Variants in TTN observed in about 807,000 individuals in gnomAD.
TTN encodes titin.
In TTN, 1,525 loss-of-function variants were observed where a neutral mutation model predicts 3,223.0. The ratio of observed to expected loss-of-function variants is 0.47; its 90% CI spans 0.45 to 0.49. The LOEUF (loss-of-function observed/expected upper bound fraction) is 0.49. TTN is among the 20% of genes least tolerant of loss of function. The probability of loss-of-function intolerance (pLI) is 0.00; values close to 1 mark genes in which losing one functional copy is unlikely to be tolerated. For synonymous variants in TTN, 14,094 were observed against 15,161.0 expected (o/e 0.93, Z 5.17); for missense variants, 40,786 against 43,424.0 (o/e 0.94, Z 5.40).
intron 131 of TTN, 104 bp from the exon 132 acceptor site, chr2:178,684,517 C>T: frequency 5.0e-6 from 7 of 1,399,978 alleles, no homozygotes; most frequent in Non-Finnish European, 6.9e-6. Context: ...TTACAAGGCA[C>T]ACACACAAAA....
rs1305426066 is a variant in TTN at position 178,799,562 on chromosome 2, T to A, written c.839A>T (p.Gln280Leu). 6.2e-7 allele frequency: 1 copy of A among 1,614,200 alleles called. No homozygotes were observed. The highest frequency in any genetic ancestry group is 8.5e-7 in the Non-Finnish European group (1 of 1,180,018). The change falls in exon 6 of 363, where the codon CAG becomes CTG. Residue 280 changes from glutamine to leucine, a missense_variant. Coordinates refer to ENST00000589042, the MANE Select transcript of TTN (RefSeq NM_001267550.2). ...GTGTCTTATGGGCGATGGGGACTGC[T>A]GCCGAGCCAGCTGTGCTTTGGCAGC... ...SIAAKAQLAR[Q>L]QSPSPIRHSP...
Position 178,533,818 on chromosome 2 carries a change from T to C in TTN, c.102797A>G (p.Asn34266Ser). The change falls in exon 358 of 363, where the codon AAT (asparagine) becomes AGT (serine). Residue 34266 changes from asparagine (N) to serine (S), a missense_variant. By Grantham distance (46) the Asn-to-Ser change is conservative. Coordinates refer to ENST00000589042, the MANE Select transcript of TTN (RefSeq NM_001267550.2). ...RPPEFTLPLY[N>S]KTAYVGENVR... The stretch of plus-strand genomic sequence containing the variant: ...ATTTTCACCTACATAAGCTGTCTTA[T>C]TATAGAGAGGCAGGGTAAATTCTGG... The C allele has an allele frequency of 6.2e-7, 1 of 1,614,016 alleles. No individual in the cohort carries two copies. Among genetic ancestry groups the C allele is most frequent in the Non-Finnish European group, 8.5e-7 (1 of 1,179,876 alleles).
rs1282263505 is a variant in TTN at position 178,768,956 on chromosome 2, C to T, written c.8903-23G>A. ...TTGCTGCAAAGGAGAAAAGAAAAAACACCCAAGGAGACTTTACGTAAATAT... is the reference window on the plus strand; with the variant it reads ...TTGCTGCAAAGGAGAAAAGAAAAAATACCCAAGGAGACTTTACGTAAATAT... On this transcript the variant is annotated intron_variant, in intron 37 of 362. Coordinates refer to ENST00000589042, the MANE Select transcript of TTN (RefSeq NM_001267550.2). 8 of 1,612,218 alleles carry T rather than the reference C, an allele frequency of 5.0e-6. No individual in the cohort carries two copies. The Admixed American group carries it at 1.2e-4, about 24-fold the overall frequency.
intron 213 of TTN, 91 bp downstream of exon 213, chr2:178,649,157 A>C (rs1054933715): frequency 6.0e-6 from 6 of 1,000,534 alleles, no homozygotes; most frequent in Non-Finnish European, 8.5e-6. Context: ...TTTTAACATA[A>C]ATTCACATTC....
intron 336 of TTN, chr2:178,550,501 C>T: frequency 3.9e-6 from 2 of 508,416 alleles, no homozygotes; most frequent in East Asian, 3.2e-5. Flanking sequence ...TTTAATTTTG[C>T]ATTGCTCTTT....
chr2:178,729,698 G>A lies in TTN; in HGVS notation c.18555C>T (p.Gly6185=). The change falls in exon 63 of 363, where the codon GGC becomes GGT. Residue 6185 remains glycine (G), a synonymous_variant. Transcript: ENST00000589042. The part of the protein sequence containing the change: ...TYVCEARNDA[G]TASCSIELKV... ...TGAGTTCAATGCTGCAGCTCGCCGT[G>A]CCTGCGTCATTTCGAGCTTCACACA... The A allele has an allele frequency of 6.2e-7, 1 of 1,613,708 alleles. No individual in the cohort carries two copies. The highest frequency in any genetic ancestry group is 8.5e-7 in the Non-Finnish European group (1 of 1,179,700).
In TTN at chr2:178,568,668, A is replaced by G; in HGVS notation, c.77464T>C (p.Ser25822Pro). 1 of 1,613,422 alleles carries G rather than the reference A, an allele frequency of 6.2e-7. No individual in the cohort carries two copies. The highest frequency in any genetic ancestry group is 8.5e-7 in the Non-Finnish European group (1 of 1,179,598). The change falls in exon 326 of 363, where the codon TCT becomes CCT. Residue 25822 changes from serine to proline, a missense_variant. Transcript: ENST00000589042. ...GQDLKIEVPISGRPKPTITWT... is the reference protein window; with the variant it reads ...GQDLKIEVPIPGRPKPTITWT... Reference sequence around the variant, plus strand: ...GTAATGGTTGGCTTAGGACGTCCAGAAATTGGCACTTCTATTTTCAAATCT... The same window carrying G: ...GTAATGGTTGGCTTAGGACGTCCAGGAATTGGCACTTCTATTTTCAAATCT...
At chr2:178,608,543 G>A in intron 274 of TTN, 63 bp downstream of exon 274, 10 of 1,566,788 alleles carry the variant, frequency 6.4e-6, no homozygotes, top group Non-Finnish European at 7.8e-6. Context: ...TTTAAAAGCT[G>A]TAGTAATTAT....
intron 316 of TTN, 82 bp downstream of exon 316, chr2:178,581,417 A>G: frequency 3.3e-6 from 4 of 1,195,830 alleles, no homozygotes; most frequent in Non-Finnish European, 4.5e-6. Context: ...TAATAAATTA[A>G]TCTACCTAAG....
chr2:178,530,414 C>T lies in TTN; in HGVS notation c.106201G>A (p.Glu35401Lys), dbSNP rs2154132721. 3 of 1,613,978 alleles carry T rather than the reference C, an allele frequency of 1.9e-6. No homozygotes were observed. The highest frequency in any genetic ancestry group is 2.5e-6 in the Non-Finnish European group (3 of 1,179,882). Residue 35401 changes from glutamate to lysine, a missense_variant, in exon 358 of 363, where the codon GAG (glutamate) becomes AAG (lysine). Transcript: ENST00000589042. The stretch of plus-strand genomic sequence containing the variant: ...TCAGTTTTTCTGGTTACTGTTGACT[C>T]AGTGGTTTTCTGATCTGATTTCTTA... ...ETKKSDQKTT[E>K]STVTRKTEPK...
rs754343858 is a variant in TTN, at chr2:178,572,840, T to A, written c.73292A>T (p.Asp24431Val). The A allele has an allele frequency of 5.6e-6, 9 of 1,613,302 alleles. No homozygotes were observed. In the Admixed American group the frequency reaches 8.3e-5, roughly 15 times the overall value. The change falls in exon 326 of 363, where the codon GAT becomes GTT. Residue 24431 changes from aspartate (D) to valine (V), a missense_variant. Coordinates refer to ENST00000589042, the MANE Select transcript of TTN (RefSeq NM_001267550.2). The stretch of plus-strand genomic sequence containing the variant: ...AGTAACAACTTTGCGCAGGTCAGCA[T>A]CCAGTTCAATTTCTGGAGGCAGCAT... ...DRMLPPEIEL[D>V]ADLRKVVTIR...
At chr2:178,551,570 ATATT>A (rs1409100850) in intron 335 of TTN, 56 bp downstream of exon 335, 1 of 1,355,730 alleles carries the variant, frequency 7.4e-7, no homozygotes, top group East Asian at 2.4e-5. Flanking sequence ...ATTCCTTGAT[ATATT>A]TGTTTCTAAT....
intron 47 of TTN, chr2:178,745,195 C>T: frequency 9.9e-7 from 1 of 1,007,772 alleles, no homozygotes; most frequent in South Asian, 4.3e-5. Flanking sequence ...TCTGCGTGGT[C>T]ATCTGATATG....
At position 178,530,074 on chromosome 2, in the gene TTN, C is replaced by T. The variant is rs768859424; in HGVS notation, c.106417G>A (p.Gly35473Arg). Residue 35473 changes from glycine to arginine, a missense_variant, in exon 359 of 363, where the codon GGA (glycine) becomes AGA (arginine). Transcript: ENST00000589042. ...GGKYKLSEDK[G>R]GFFLEIHKTD... is the part of the protein sequence containing the mutation. ...TTATGAATTTCTAAGAAGAACCCTC[C>T]CTTGTCTTCAGAGAGTTTATATTTA... is the stretch of plus-strand genomic sequence containing the variant. The T allele has an allele frequency of 1.9e-6, 3 of 1,610,998 alleles. No homozygotes were observed. Among genetic ancestry groups the T allele is most frequent in the African/African-American group, 1.3e-5 (1 of 74,770 alleles).
In TTN at chr2:178,766,591, C is replaced by T; in HGVS notation, c.9493G>A (p.Val3165Ile). The T allele has an allele frequency of 6.2e-7, 1 of 1,613,970 alleles. No homozygotes were observed. The change falls in exon 41 of 363, where the codon GTT becomes ATT. Residue 3165 changes from valine to isoleucine, a missense_variant. Physicochemically the swap from Val to Ile is conservative, Grantham distance 29. Coordinates refer to ENST00000589042, the MANE Select transcript of TTN (RefSeq NM_001267550.2). Reference protein sequence around the residue: ...EVQVIEKQRAVVEFEVNEDDV... With the variant: ...EVQVIEKQRAIVEFEVNEDDV... ...TCTTCATTGACCTCAAATTCAACAA[C>T]AGCACGCTGTTTCTCAATGACCTGT...
At position 178,756,511 on chromosome 2, in the gene TTN, G is replaced by A. The variant is rs760281559; in HGVS notation, c.10965C>T (p.Ser3655=). The A allele has an allele frequency of 1.2e-6, 2 of 1,613,522 alleles. No individual in the cohort carries two copies. Among genetic ancestry groups the A allele is most frequent in the African/African-American group, 2.7e-5 (2 of 74,874 alleles). ...GGAAAATCTTGGGCGCCTCACCCGT[G>A]GACTCTTTAGCACATTCCTTAGATA... ...TELSKECAKE[S]TGEAPKIFLH... is the part of the protein sequence containing the mutation. The change falls in exon 46 of 363, where the codon TCC becomes TCT. Residue 3655 remains serine (S), a synonymous_variant. Coordinates refer to ENST00000589042, the MANE Select transcript of TTN (RefSeq NM_001267550.2).
chr2:178,577,575 A>G, intron 323 of TTN, 27 bp downstream of exon 323: 9 of 1,544,602 alleles, frequency 5.8e-6, no homozygotes, highest in South Asian at 2.5e-5. Flanking sequence ...TAAAAAAAAA[A>G]GTACATAAAA....
chr2:178,728,486 G>T lies in TTN; in HGVS notation c.19426+14C>A, dbSNP rs1206627900. 8.1e-6 allele frequency: 13 copies of T among 1,597,244 alleles called. No individual in the cohort carries two copies. The highest frequency in any genetic ancestry group is 6.8e-5 in the Admixed American group (4 of 58,704). Reference sequence around the variant, plus strand: ...CTATAAATAAGGGAAGCTGACTGGGGTGAAGATACAAACCTAGCACTCTTA... The same window carrying T: ...CTATAAATAAGGGAAGCTGACTGGGTTGAAGATACAAACCTAGCACTCTTA... On this transcript the variant is annotated intron_variant, in intron 66 of 362. Transcript: ENST00000589042.
At chr2:178,735,077 C>T in intron 50 of TTN, 89 bp from the exon 51 acceptor site, 1 of 1,361,300 alleles carries the variant, frequency 7.3e-7, no homozygotes, top group Non-Finnish European at 9.7e-7. Context: ...ACAAAGAGAC[C>T]CAACACACAT....
Sources: gnomAD v4.1 joint callset for allele counts on GRCh38, gnomAD v4.1.1 for gene constraint, MANE v1.5 for transcripts, NCBI Gene and HGNC (gene_info 2026-07-23, HGNC 2026-07-21) for gene names.